Variants in ACYP1 observed in about 807,000 individuals in gnomAD.
The protein encoded by ACYP1 is acylphosphatase 1, also known as acylphosphatase-1.
Under a neutral mutation model 10.4 loss-of-function variants are expected in ACYP1, and 8 were observed. That is an observed-to-expected ratio of 0.77 (90% confidence interval 0.45 to 1.38). The LOEUF (loss-of-function observed/expected upper bound fraction) is 1.38. Ranked by LOEUF, ACYP1 falls within the 40% of genes most tolerant of loss-of-function variation. The pLI is 0.00. For missense variants in ACYP1, 93 were observed against 117.3 expected (o/e 0.79, Z 0.96); for synonymous variants, 38 against 40.8 (o/e 0.93, Z 0.26).
chr14:75,056,689 A>G (rs1294981973), intron 2 of ACYP1, among the ~76,000 whole-genome samples: 1 of 151,620 alleles, frequency 6.6e-6, no homozygotes, highest in Non-Finnish European at 1.5e-5. Flanking sequence ...TACCATGACA[A>G]ACTAGGATTT....
At chr14:75,056,513 C>A (rs1181773741) in intron 2 of ACYP1, among the ~76,000 whole-genome samples, 1 of 150,508 alleles carries the variant, frequency 6.6e-6, no homozygotes, top group African/African-American at 2.5e-5. Flanking sequence ...GCAGCCTTAA[C>A]CTCCCAGGCT....
At chr14:75,061,688 A>G in intron 2 of ACYP1, 1 of 1,588,874 alleles carries the variant, frequency 6.3e-7, no homozygotes. Context: ...ACTTACCTGC[A>G]TAACTGGTAG....
At chr14:75,057,795 C>T (rs189693739) in intron 2 of ACYP1, among the ~76,000 whole-genome samples, 3 of 148,794 alleles carry the variant, frequency 2.0e-5, no homozygotes, top group Admixed American at 6.7e-5. Context: ...GGTGAAACGC[C>T]GTCTATTAAA....
chr14:75,067,710 G>C (rs1356062148), upstream of ACYP1, among the ~76,000 whole-genome samples: 1 of 152,164 alleles, frequency 6.6e-6, no homozygotes, highest in Non-Finnish European at 1.5e-5. Flanking sequence ...ACAAGATGCA[G>C]ACAGGGTGCC....
At chr14:75,053,879 C>G (rs1453057442) in intron 2 of ACYP1, among the ~76,000 whole-genome samples, 1 of 152,208 alleles carries the variant, frequency 6.6e-6, no homozygotes, top group Non-Finnish European at 1.5e-5. Context: ...CTATAAAACC[C>G]AGGCACTAGA....
chr14:75,059,783 A>G (rs150495856), intron 2 of ACYP1: 1,978 of 153,074 alleles, frequency 0.013, 25 homozygotes, highest in South Asian at 0.028. Context: ...TCTTACAAAG[A>G]AAGGAAATTG....
At chr14:75,065,660 A>G (rs1893130412), upstream of ACYP1, among the ~76,000 whole-genome samples, 1 of 152,208 alleles carries the variant, frequency 6.6e-6, no homozygotes, top group South Asian at 2.1e-4. Flanking sequence ...GCATGCAAAT[A>G]ATGACAATAA....
upstream of ACYP1, among the ~76,000 whole-genome samples, chr14:75,064,859 G>T (rs944327025): frequency 2.3e-4 from 35 of 152,146 alleles, no homozygotes; most frequent in Admixed American, 5.9e-4. Context: ...TGGAATAGGG[G>T]ATTACGGGGC....
upstream of ACYP1, among the ~76,000 whole-genome samples, chr14:75,066,392 G>GAA (rs1359892556): frequency 2.6e-4 from 38 of 146,172 alleles, no homozygotes; most frequent in African/African-American, 8.3e-4. Flanking sequence ...CTGGGGGGGG[G>GAA]TGGAGAAATA....
intron 2 of ACYP1, among the ~76,000 whole-genome samples, chr14:75,058,028 G>A (rs2139650096): frequency 1.5e-5 from 2 of 136,968 alleles, no homozygotes; most frequent in South Asian, 2.5e-4. Flanking sequence ...AAAGAAAAGA[G>A]GTTTATTTGA....
chr14:75,053,356 T>C lies in ACYP1; in HGVS notation c.*88A>G, dbSNP rs367625772. On this transcript the variant is annotated 3_prime_UTR_variant, in exon 3 of 3. Coordinates refer to ENST00000238618, the MANE Select transcript of ACYP1 (RefSeq NM_001107.5). ...GACATTAAAATAACTTATTGACTAATGCTAATATTAACACACAATAGTTCT... is the reference window on the plus strand; with the variant it reads ...GACATTAAAATAACTTATTGACTAACGCTAATATTAACACACAATAGTTCT... 2.9e-5 allele frequency: 34 copies of C among 1,179,082 alleles called. No individual in the cohort carries two copies. The East Asian group carries it at 6.5e-4, about 23-fold the overall frequency. The allele number at this position is 1,179,082 out of a possible 1,614,324, so 73.0% of individuals were successfully genotyped here. A position where few individuals can be genotyped will look rare whatever the true frequency, so the allele number is the denominator to read the frequency against.
At chr14:75,063,932 C>T in intron 1 of ACYP1, 22 bp downstream of exon 1, 1 of 1,002,640 alleles carries the variant, frequency 1.0e-6, no homozygotes, top group Non-Finnish European at 1.2e-6. Flanking sequence ...GAAGCACACC[C>T]TGGGGGCCCC....
exon 1 of ACYP1, chr14:75,069,347 G>A: frequency 1.5e-6 from 2 of 1,307,092 alleles, no homozygotes; most frequent in Non-Finnish European, 2.0e-6. Flanking sequence ...TGCCAGACAA[G>A]GGCACACCCC....
chr14:75,057,310 A>G (rs181046678), intron 2 of ACYP1, among the ~76,000 whole-genome samples: 1 of 151,724 alleles, frequency 6.6e-6, no homozygotes, highest in Non-Finnish European at 1.5e-5. Context: ...TGCACGACAT[A>G]TATGGAAATC....
At chr14:75,066,383 T>TGG (rs11336181), upstream of ACYP1, among the ~76,000 whole-genome samples, 9 of 151,118 alleles carry the variant, frequency 6.0e-5, no homozygotes, top group African/African-American at 2.0e-4. Flanking sequence ...TTAATAAAGC[T>TGG]GGGGGGGGGT....
intron 2 of ACYP1, chr14:75,061,847 A>G: frequency 7.8e-6 from 8 of 1,020,896 alleles, no homozygotes; most frequent in Non-Finnish European, 1.1e-5. Context: ...CACACCTGTA[A>G]TCCCAACACT....
rs528374694 is a variant in ACYP1, at chr14:75,069,279, C to T, written c.13G>A (p.Ala5Thr). 8.9e-4 allele frequency: 1,284 copies of T among 1,446,930 alleles called. 4 individuals carry two copies. Among genetic ancestry groups the T allele is most frequent in the South Asian group, 5.6e-3 (405 of 71,896 alleles). 89.6% of individuals were successfully genotyped at this position (1,446,930 alleles called of 1,614,324 possible). The change falls in exon 1 of 3, where the codon GCC (alanine) becomes ACC (threonine). Residue 5 changes from alanine (A) to threonine (T), a missense_variant. Coordinates refer to the ACYP1 transcript ENST00000555463. ...AGCAGCCCCGCTCCCGCCAGGCGGG[C>T]GGACGCCGGCATCCTGCGGCGGAAG...
At chr14:75,057,979 A>AAAC (rs1188927552) in intron 2 of ACYP1, among the ~76,000 whole-genome samples, 21 of 147,386 alleles carry the variant, frequency 1.4e-4, no homozygotes, top group East Asian at 2.0e-4. Context: ...AAAAAAAAAA[A>AAAC]AAAAAAAAAG....
At chr14:75,064,186 G>C (rs147178084), upstream of ACYP1, 147 of 235,830 alleles carry the variant, frequency 6.2e-4, 1 homozygote, top group South Asian at 0.012. Flanking sequence ...TTTGGGTTGG[G>C]GATCTGTCCA....
Sources: allele counts gnomAD v4.1 joint callset (sites outside exome capture counted in the v4.1 genomes callset), GRCh38; gene constraint gnomAD v4.1.1; transcripts MANE v1.5; gene names NCBI Gene and HGNC (gene_info 2026-07-23, HGNC 2026-07-21).